The following FMN2 variants were observed in gnomAD, a reference collection of about 807,000 sequenced individuals.
FMN2 encodes the protein formin-2.
FMN2 carries 51 observed loss-of-function variants against 142.3 expected under a neutral mutation model. The ratio of observed to expected loss-of-function variants is 0.36; its 90% CI spans 0.29 to 0.45. The LOEUF (loss-of-function observed/expected upper bound fraction) is 0.45. Ranked by LOEUF, FMN2 falls within the 20% of genes least tolerant of loss-of-function variation. The probability of loss-of-function intolerance (pLI) is 1.00; values close to 1 mark genes in which losing one functional copy is unlikely to be tolerated. For synonymous variants in FMN2, 882 were observed against 869.8 expected, an observed-to-expected ratio of 1.01 and a Z score of -0.25; for missense variants, 1,936 against 2,122.8, an observed-to-expected ratio of 0.91 and a Z score of 1.73.
At chr1:240,221,031 T>A in intron 6 of FMN2, among the ~76,000 whole-genome samples, 1 of 152,206 alleles carries the variant, frequency 6.6e-6, no homozygotes, top group African/African-American at 2.4e-5. Context: ...TCCATGTCTC[T>A]GCAAAGGACA....
At chr1:240,152,080 C>G (rs1360073251) in intron 2 of FMN2, among the ~76,000 whole-genome samples, 1 of 152,084 alleles carries the variant, frequency 6.6e-6, no homozygotes, top group Non-Finnish European at 1.5e-5. Flanking sequence ...CTCCAATGGA[C>G]TTTTTAATGC....
At chr1:240,277,751 T>G (rs1669266510) in intron 7 of FMN2, among the ~76,000 whole-genome samples, 1 of 151,890 alleles carries the variant, frequency 6.6e-6, no homozygotes, top group Admixed American at 6.6e-5. Context: ...GCCAGCCTGG[T>G]TTTGAACTCC....
chr1:240,467,766 T>C (rs1676670193), intron 16 of FMN2, among the ~76,000 whole-genome samples: 1 of 152,224 alleles, frequency 6.6e-6, no homozygotes, highest in Admixed American at 6.5e-5. Context: ...CACATTGGAC[T>C]TACCTTTGAA....
chr1:240,385,881 GAT>G (rs58593059), intron 14 of FMN2, among the ~76,000 whole-genome samples: 1 of 151,518 alleles, frequency 6.6e-6, no homozygotes, highest in African/African-American at 2.4e-5. Flanking sequence ...GAGGCACAAT[GAT>G]ATATATATAT....
chr1:240,118,100 G>C (rs145506799), intron 1 of FMN2, among the ~76,000 whole-genome samples: 1 of 152,310 alleles, frequency 6.6e-6, no homozygotes, highest in African/African-American at 2.4e-5. Context: ...CAGTGTGTTT[G>C]AGGAGGAGAA....
At chr1:240,299,295 C>T (rs1670109805) in intron 8 of FMN2, among the ~76,000 whole-genome samples, 1 of 152,070 alleles carries the variant, frequency 6.6e-6, no homozygotes, top group Non-Finnish European at 1.5e-5. Context: ...ATAAAATATT[C>T]ATAATAATTA....
chr1:240,423,796 A>G (rs976381675), intron 15 of FMN2, among the ~76,000 whole-genome samples: 1 of 152,232 alleles, frequency 6.6e-6, no homozygotes, highest in Admixed American at 6.5e-5. Context: ...TCTACCCTTC[A>G]ACATAAACAT....
At chr1:240,153,665 G>A (rs112582573) in intron 2 of FMN2, among the ~76,000 whole-genome samples, 34 of 152,184 alleles carry the variant, frequency 2.2e-4, no homozygotes, top group African/African-American at 7.9e-4. Flanking sequence ...CTCCCAGCCT[G>A]TATGATGCTA....
At chr1:240,386,489 T>C in intron 14 of FMN2, among the ~76,000 whole-genome samples, 1 of 152,184 alleles carries the variant, frequency 6.6e-6, no homozygotes, top group East Asian at 1.9e-4. Context: ...TGGTATTCCC[T>C]CATGAAAGCT....
chr1:240,253,350 C>A (rs985434241), intron 6 of FMN2, among the ~76,000 whole-genome samples: 16 of 152,046 alleles, frequency 1.1e-4, no homozygotes, highest in African/African-American at 3.1e-4. Flanking sequence ...TTCTAAAATT[C>A]TTTCTTCTGC....
chr1:240,119,963 A>T (rs1474148135), intron 1 of FMN2, among the ~76,000 whole-genome samples: 1 of 152,188 alleles, frequency 6.6e-6, no homozygotes, highest in South Asian at 2.1e-4. Context: ...GAGGGATGCC[A>T]TTTCCTAGAT....
intron 15 of FMN2, among the ~76,000 whole-genome samples, chr1:240,437,293 T>C (rs1247698844): frequency 1.9e-5 from 1 of 53,692 alleles, no homozygotes; most frequent in Non-Finnish European, 2.9e-5. Context: ...CATCTCTTGC[T>C]TTTTTTTTTT....
At chr1:240,358,813 A>C (rs1672369813) in intron 14 of FMN2, among the ~76,000 whole-genome samples, 1 of 152,142 alleles carries the variant, frequency 6.6e-6, no homozygotes, top group Non-Finnish European at 1.5e-5. Context: ...GGGTGGGGAC[A>C]CAAAGCCTAG....
Position 240,294,837 on chromosome 1 carries a change from A to G in FMN2, c.4169A>G (p.Asp1390Gly). The change falls in exon 8 of 18, where the codon GAT (aspartate) becomes GGT (glycine). Residue 1390 changes from aspartate to glycine, a missense_variant. Around this residue, in one of 8 missense-constraint regions of FMN2, gnomAD observed 322 missense variants for 401.6 expected, o/e 0.80. Transcript: ENST00000319653. ...TTTTCCACAGCTGTTGTGAACTTGG[A>G]TAATTCTGTGGTTGACCTGGAGACC... ...KDIQHAVVNL[D>G]NSVVDLETLQ... The G allele has an allele frequency of 3.1e-6, 5 of 1,614,004 alleles. No homozygotes were observed. Among genetic ancestry groups the G allele is most frequent in the Non-Finnish European group, 4.2e-6 (5 of 1,179,918 alleles).
chr1:240,145,074 G>T (rs1663383123), intron 2 of FMN2: 7 of 1,433,340 alleles, frequency 4.9e-6, no homozygotes, highest in Non-Finnish European at 6.9e-6. Context: ...CCATAGTGTG[G>T]ACGCAGACAT....
intron 16 of FMN2, chr1:240,458,760 T>C (rs1490918571): frequency 2.0e-5 from 3 of 152,256 alleles, no homozygotes; most frequent in East Asian, 1.9e-4. Flanking sequence ...AATTTTATAA[T>C]AGCTTCGACC....
intron 2 of FMN2, among the ~76,000 whole-genome samples, chr1:240,148,361 C>CAGAGACAGAGAG (rs1220496108): frequency 1.2e-5 from 1 of 80,658 alleles, no homozygotes; most frequent in African/African-American, 4.7e-5. Flanking sequence ...GACAGAGAGA[C>CAGAGACAGAGAG]AGAGACAGAG....
chr1:240,205,891 C>CTTTTTTT (rs57803350), intron 4 of FMN2, among the ~76,000 whole-genome samples: 2 of 120,580 alleles, frequency 1.7e-5, no homozygotes, highest in African/African-American at 3.2e-5. Flanking sequence ...TATCAGCCAT[C>CTTTTTTT]TTTTTTTTTT....
At chr1:240,167,907 T>A (rs1664544972) in intron 2 of FMN2, among the ~76,000 whole-genome samples, 1 of 151,990 alleles carries the variant, frequency 6.6e-6, no homozygotes, top group South Asian at 2.1e-4. Flanking sequence ...TGAAACCCTG[T>A]CTCTACTATA....
Sources: allele counts gnomAD v4.1 joint callset (sites outside exome capture counted in the v4.1 genomes callset), GRCh38; gene constraint gnomAD v4.1.1; regional missense constraint gnomAD v4.1.1; transcripts MANE v1.5; gene names NCBI Gene and HGNC (gene_info 2026-07-23, HGNC 2026-07-21).